The following PCDHGA2 variants were observed in gnomAD, a reference collection of about 807,000 sequenced individuals.
PCDHGA2 encodes the protein protocadherin gamma-A2.
A neutral mutation model predicts 59.2 loss-of-function variants in PCDHGA2; 40 were observed. The ratio of observed to expected loss-of-function variants is 0.68; its 90% CI spans 0.52 to 0.88. PCDHGA2 has a LOEUF of 0.88. Among genes scored for constraint, PCDHGA2 ranks in the 40% least tolerant of loss-of-function variants. PCDHGA2 has a pLI of 0.00. For synonymous variants in PCDHGA2, 560 were observed against 526.0 expected (o/e 1.06, Z -0.89); for missense variants, 1,226 against 1,204.0 (o/e 1.02, Z -0.27).
intron 1 of PCDHGA2, chr5:141,385,170 C>A (rs1561606866): frequency 4.3e-6 from 7 of 1,614,212 alleles, no homozygotes; most frequent in Non-Finnish European, 5.9e-6. Flanking sequence ...CCCATGAGGT[C>A]TCCCTCACCG....
chr5:141,360,474 A>C, intron 1 of PCDHGA2: 1 of 1,613,982 alleles, frequency 6.2e-7, no homozygotes, highest in Non-Finnish European at 8.5e-7. Context: ...CTGAAAATCC[A>C]CTAAATATTT....
chr5:141,410,103 A>G, intron 1 of PCDHGA2: 1 of 1,612,622 alleles, frequency 6.2e-7, no homozygotes, highest in South Asian at 1.1e-5. Flanking sequence ...GCCTTAGGCG[A>G]CAGGGACGCA....
intron 1 of PCDHGA2, among the ~76,000 whole-genome samples, chr5:141,471,778 A>T (rs2099264151): frequency 6.6e-6 from 1 of 152,244 alleles, no homozygotes; most frequent in Non-Finnish European, 1.5e-5. Flanking sequence ...TGAGTTTGAC[A>T]TTATGCTATG....
intron 1 of PCDHGA2, chr5:141,366,594 A>T: frequency 6.2e-7 from 1 of 1,614,242 alleles, no homozygotes; most frequent in South Asian, 1.1e-5. Context: ...ACCTATTCCC[A>T]CGAGGTCTCC....
chr5:141,393,475 C>G lies in PCDHGA2; in HGVS notation c.2424+52080C>G, dbSNP rs200282311. The G allele has an allele frequency of 1.2e-3, 1,881 of 1,614,046 alleles. 9 individuals are homozygous for G. Among genetic ancestry groups the G allele is most frequent in the South Asian group, 3.4e-3 (312 of 91,088 alleles). On this transcript the variant is annotated intron_variant, in intron 1 of 3. Coordinates refer to ENST00000394576, the MANE Select transcript of PCDHGA2 (RefSeq NM_018915.4). ...ACGGCCTCGGATGGCGGCAAGCCGC[C>G]TCGCTCTAGCACAGTGCGCATCCAC... is the stretch of plus-strand genomic sequence containing the variant.
At chr5:141,508,700 CCT>C in intron 3 of PCDHGA2, among the ~76,000 whole-genome samples, 1 of 152,158 alleles carries the variant, frequency 6.6e-6, no homozygotes, top group Non-Finnish European at 1.5e-5. Flanking sequence ...CCGTGTTCCT[CCT>C]CATTCTTTTC....
At chr5:141,483,648 TTGTGTGTGTG>T (rs111458813) in intron 1 of PCDHGA2, among the ~76,000 whole-genome samples, 35 of 149,708 alleles carry the variant, frequency 2.3e-4, no homozygotes, top group Non-Finnish European at 4.6e-4. Flanking sequence ...GGGTGTGTGT[TTGTGTGTGTG>T]TGTGTGTGTG....
chr5:141,351,141 C>T (rs900188384), intron 1 of PCDHGA2: 17 of 1,614,030 alleles, frequency 1.1e-5, no homozygotes, highest in East Asian at 2.2e-5. Flanking sequence ...AATCCAAATA[C>T]TGGCGACATC....
intron 1 of PCDHGA2, among the ~76,000 whole-genome samples, chr5:141,459,690 C>A (rs1338211972): frequency 6.6e-6 from 1 of 152,174 alleles, no homozygotes; most frequent in African/African-American, 2.4e-5. Context: ...ATAAAGCGTT[C>A]CGCTTGCTAC....
intron 1 of PCDHGA2, among the ~76,000 whole-genome samples, chr5:141,382,529 T>C (rs1778264328): frequency 6.6e-6 from 1 of 152,222 alleles, no homozygotes; most frequent in South Asian, 2.1e-4. Flanking sequence ...TGTCTTAAAA[T>C]GGATTTTTAA....
intron 1 of PCDHGA2, chr5:141,408,915 A>T (rs2095192273): frequency 1.2e-6 from 2 of 1,613,004 alleles, no homozygotes; most frequent in South Asian, 2.2e-5. Context: ...ACCAATGATA[A>T]CCCCCCGGTT....
chr5:141,355,233 C>G, intron 1 of PCDHGA2: 1 of 1,612,052 alleles, frequency 6.2e-7, no homozygotes, highest in Non-Finnish European at 8.5e-7. Flanking sequence ...CAGACCACAC[C>G]CGGCTGCTCC....
At chr5:141,384,783 G>A in intron 1 of PCDHGA2, 4 of 1,613,678 alleles carry the variant, frequency 2.5e-6, no homozygotes, top group South Asian at 1.1e-5. Flanking sequence ...AGGTGCGCAC[G>A]GCTCGGGCCC....
intron 1 of PCDHGA2, chr5:141,370,874 T>A (rs369229257): frequency 1.2e-6 from 2 of 1,613,942 alleles, no homozygotes; most frequent in African/African-American, 2.7e-5. Context: ...CGCAAGATCC[T>A]GATGTAGGTG....
intron 1 of PCDHGA2, chr5:141,346,302 G>A (rs1251482348): frequency 1.9e-6 from 3 of 1,614,060 alleles, no homozygotes; most frequent in African/African-American, 2.7e-5. Flanking sequence ...TTCCCACGAG[G>A]TCTCCCTCAC....
intron 1 of PCDHGA2, chr5:141,441,621 G>C (rs2098260273): frequency 9.0e-6 from 2 of 223,292 alleles, no homozygotes; most frequent in Non-Finnish European, 1.8e-5. Flanking sequence ...CGTGGCCAGT[G>C]ACCTGGAGCC....
At chr5:141,360,039 CAG>C in intron 1 of PCDHGA2, 1 of 1,415,286 alleles carries the variant, frequency 7.1e-7, no homozygotes, top group Non-Finnish European at 9.3e-7. Context: ...GATTCGGAAA[CAG>C]AAAACAAAAG....
At position 141,476,151 on chromosome 5, in the gene PCDHGA2, G is replaced by A; in HGVS notation, c.2425-18656G>A. Reference sequence around the variant, plus strand: ...GAGGCCTGGAGGAGCGGACTGGTAAGCACCGGGAGGGTAGTGGGAGTTTTG... The same window carrying A: ...GAGGCCTGGAGGAGCGGACTGGTAAACACCGGGAGGGTAGTGGGAGTTTTG... On this transcript the variant is annotated intron_variant, in intron 1 of 3. Transcript: ENST00000394576. This position sits in a 1 kb window ranked among gnomAD's most constrained non-coding sequence, Gnocchi z 7.6. 1 of 1,612,022 alleles carries A rather than the reference G, an allele frequency of 6.2e-7. No individual in the cohort carries two copies. Among genetic ancestry groups the A allele is most frequent in the Admixed American group, 1.7e-5 (1 of 60,014 alleles).
Position 141,490,575 on chromosome 5 carries a change from A to G in PCDHGA2, c.2425-4232A>G. 2 of 1,614,140 alleles carry G rather than the reference A, an allele frequency of 1.2e-6. No individual in the cohort carries two copies. The highest frequency in any genetic ancestry group is 2.2e-5 in the East Asian group (1 of 44,876). Reference sequence around the variant, plus strand: ...ATCTCACCATCAGGCTCAACATTTCAGATGTCAATGACAATGCACCCCGCT... The same window carrying G: ...ATCTCACCATCAGGCTCAACATTTCGGATGTCAATGACAATGCACCCCGCT... On this transcript the variant is annotated intron_variant, in intron 1 of 3. Transcript: ENST00000394576. This position sits in a 1 kb window ranked among gnomAD's most constrained non-coding sequence, Gnocchi z 5.4.
Sources: allele counts gnomAD v4.1 joint callset (sites outside exome capture counted in the v4.1 genomes callset), GRCh38; gene constraint gnomAD v4.1.1; non-coding constraint Gnocchi (gnomAD v3.1); transcripts MANE v1.5; gene names NCBI Gene and HGNC (gene_info 2026-07-23, HGNC 2026-07-21).